ACTN2: variants seen among roughly 807,000 people sequenced by gnomAD.
The protein encoded by ACTN2 is actinin alpha 2.
ACTN2 carries 39 observed loss-of-function variants against 113.8 expected under a neutral mutation model. The observed-to-expected ratio is 0.34, with a 90% CI of 0.27 to 0.45. The LOEUF is 0.45. ACTN2 is among the 20% of genes least tolerant of loss of function. ACTN2 has a pLI of 1.00. For synonymous variants in ACTN2, 429 were observed against 444.1 expected (o/e 0.97, Z 0.43); for missense variants, 992 against 1,177.9 (o/e 0.84, Z 2.31).
At chr1:236,728,632 TGC>T in intron 6 of ACTN2, among the ~76,000 whole-genome samples, 1 of 125,168 alleles carries the variant, frequency 8.0e-6, no homozygotes, top group Admixed American at 7.7e-5. Context: ...TTTTTAGTTT[TGC>T]TTTTTTTCAG....
intron 11 of ACTN2, among the ~76,000 whole-genome samples, chr1:236,744,318 G>C (rs757572074): frequency 6.6e-6 from 1 of 152,190 alleles, no homozygotes; most frequent in Non-Finnish European, 1.5e-5. Flanking sequence ...GATCATGCAG[G>C]AATCAGATAC....
chr1:236,749,068 T>C (rs1416941112), intron 13 of ACTN2, 56 bp from the exon 14 acceptor site: 4 of 1,598,016 alleles, frequency 2.5e-6, no homozygotes. Flanking sequence ...CTACTTACAC[T>C]TTCAGTGAAT....
At chr1:236,696,892 G>A (rs963436249) in intron 1 of ACTN2, among the ~76,000 whole-genome samples, 1 of 151,980 alleles carries the variant, frequency 6.6e-6, no homozygotes, top group African/African-American at 2.4e-5. Context: ...TCTCGATCTC[G>A]ACCTCGTGAT....
At chr1:236,687,597 CG>C (rs1665922041) in intron 1 of ACTN2, among the ~76,000 whole-genome samples, 5 of 152,244 alleles carry the variant, frequency 3.3e-5, no homozygotes. Flanking sequence ...CTTAAGATAA[CG>C]GGGTTATGGC....
At position 236,755,010 on chromosome 1, in the gene ACTN2, C is replaced by G. The variant is rs781559815; in HGVS notation, c.1975-9C>G. On this transcript the variant is annotated splice_polypyrimidine_tract_variant and intron_variant, in intron 16 of 20. Transcript: ENST00000366578. ...CTTCTCTCTCTGCTTGCTCACTCGC[C>G]CCCCTCAGGAGATTGCCCGGAGCTC... 6.2e-7 allele frequency: 1 copy of G among 1,614,046 alleles called. No individual in the cohort carries two copies. Among genetic ancestry groups the G allele is most frequent in the Non-Finnish European group, 8.5e-7 (1 of 1,180,046 alleles).
At chr1:236,707,555 C>T (rs529110331) in intron 1 of ACTN2, among the ~76,000 whole-genome samples, 2 of 152,218 alleles carry the variant, frequency 1.3e-5, no homozygotes, top group South Asian at 2.1e-4. Flanking sequence ...GAATTGCCGT[C>T]GCTGATTGCT....
intron 6 of ACTN2, 66 bp downstream of exon 6, chr1:236,727,822 C>T: frequency 6.7e-7 from 1 of 1,483,994 alleles, no homozygotes; most frequent in Non-Finnish European, 9.4e-7. Flanking sequence ...TGCAAATGAG[C>T]ACATCAGCAC....
chr1:236,698,937 A>G (rs1423472448), intron 1 of ACTN2, among the ~76,000 whole-genome samples: 1 of 152,228 alleles, frequency 6.6e-6, no homozygotes, highest in Non-Finnish European at 1.5e-5. Context: ...TGAGTTGCCC[A>G]GCAGTGGTTG....
At chr1:236,695,342 C>T (rs1454682729) in intron 1 of ACTN2, among the ~76,000 whole-genome samples, 2 of 141,718 alleles carry the variant, frequency 1.4e-5, no homozygotes, top group Non-Finnish European at 3.0e-5. Context: ...CATGCCACTG[C>T]ACCCCAGCAT....
chr1:236,753,141 C>G (rs1231632260), intron 15 of ACTN2, among the ~76,000 whole-genome samples: 1 of 152,196 alleles, frequency 6.6e-6, no homozygotes, highest in Non-Finnish European at 1.5e-5. Context: ...ATGAACCCAG[C>G]ATGGGCTCTT....
chr1:236,727,548 A>G, intron 5 of ACTN2, 130 bp from the exon 6 acceptor site: 2 of 871,552 alleles, frequency 2.3e-6, no homozygotes, highest in Non-Finnish European at 3.8e-6. Flanking sequence ...CGGGGTAAAG[A>G]GGAAGCTACA....
At chr1:236,737,318 T>TATA in intron 9 of ACTN2, 104 bp downstream of exon 9, 1 of 294,460 alleles carries the variant, frequency 3.4e-6, no homozygotes, top group South Asian at 3.5e-5. Context: ...TATATATATA[T>TATA]TTTGCATTTT....
At chr1:236,753,849 A>ACCCCCCC in intron 15 of ACTN2, 98 bp from the exon 16 acceptor site, 6 of 1,103,220 alleles carry the variant, frequency 5.4e-6, no homozygotes, top group South Asian at 1.3e-5. Context: ...CTCCTTCTCC[A>ACCCCCCC]CTCCCACCCC....
At chr1:236,709,251 TATATAC>T (rs1222404183) in intron 1 of ACTN2, among the ~76,000 whole-genome samples, 18 of 59,742 alleles carry the variant, frequency 3.0e-4, no homozygotes, top group African/African-American at 5.4e-4. Context: ...TATATATATA[TATATAC>T]ACACACACAC....
intron 10 of ACTN2, among the ~76,000 whole-genome samples, chr1:236,741,951 C>T (rs908106914): frequency 3.3e-5 from 5 of 152,214 alleles, no homozygotes; most frequent in African/African-American, 4.8e-5. Flanking sequence ...GGCACTCCAC[C>T]GCTGCCACAC....
chr1:236,725,125 G>A (rs1383262239), intron 4 of ACTN2, among the ~76,000 whole-genome samples: 1 of 152,102 alleles, frequency 6.6e-6, no homozygotes, highest in Non-Finnish European at 1.5e-5. Flanking sequence ...TGAATACAAA[G>A]GATCCAATTG....
chr1:236,705,768 G>A (rs1001627209), intron 1 of ACTN2, among the ~76,000 whole-genome samples: 8 of 152,148 alleles, frequency 5.3e-5, no homozygotes, highest in African/African-American at 7.2e-5. Context: ...TCCATATATC[G>A]GAGAGGTCAT....
At chr1:236,686,965 C>T (rs1289065109) in intron 1 of ACTN2, among the ~76,000 whole-genome samples, 166 bp downstream of exon 1, 1 of 152,120 alleles carries the variant, frequency 6.6e-6, no homozygotes, top group East Asian at 1.9e-4. Flanking sequence ...AAAGAGGACA[C>T]GTCCGGGGAC....
Position 236,757,880 on chromosome 1 carries a change from A to G in ACTN2, c.2301+248A>G, listed in dbSNP as rs4659467. Among the ~76,000 whole-genome samples, 8,924 of 152,242 alleles carry G rather than the reference A, an allele frequency of 0.059. 383 individuals are homozygous for G. Among genetic ancestry groups the G allele is most frequent in the East Asian group, 0.21 (1,071 of 5,172 alleles). On this transcript the variant is annotated intron_variant, in intron 18 of 20. Transcript: ENST00000366578. ...ACTTAATAGAATGCATTTGTAGTTG[A>G]CATCAAAGCTGATTTGTTCTAAGTC...
Sources: gnomAD v4.1 joint callset for allele counts (sites outside exome capture counted in the v4.1 genomes callset) on GRCh38, gnomAD v4.1.1 for gene constraint, MANE v1.5 for transcripts, NCBI Gene and HGNC (gene_info 2026-07-23, HGNC 2026-07-21) for gene names.